ANKFN1: variants seen among roughly 807,000 people sequenced by gnomAD.
The protein encoded by ANKFN1 is ankyrin repeat and fibronectin type III domain containing 1, also known as ankyrin repeat and fibronectin type-III domain-containing protein 1.
A neutral mutation model predicts 108.7 loss-of-function variants in ANKFN1; 74 were observed. The observed-to-expected ratio is 0.68, with a 90% confidence interval of 0.56 to 0.83. The LOEUF (loss-of-function observed/expected upper bound fraction) is 0.83. Ranked by LOEUF, ANKFN1 falls within the 40% of genes least tolerant of loss-of-function variation. ANKFN1 has a pLI of 0.00. For synonymous variants in ANKFN1, 547 were observed against 516.2 expected (o/e 1.06, Z -0.81); for missense variants, 1,505 against 1,382.3 (o/e 1.09, Z -1.41).
chr17:56,052,015 A>G (rs898750052), intron 4 of ANKFN1, among the ~76,000 whole-genome samples: 6 of 146,538 alleles, frequency 4.1e-5, no homozygotes, highest in African/African-American at 1.2e-4. Flanking sequence ...TACAGATTCA[A>G]TGCCATCCCC....
At chr17:56,290,464 C>T (rs1381298421) in intron 3 of ANKFN1, among the ~76,000 whole-genome samples, 1 of 152,126 alleles carries the variant, frequency 6.6e-6, no homozygotes, top group Non-Finnish European at 1.5e-5. Flanking sequence ...CTACATGTAA[C>T]CTATCTCTTT....
intron 8 of ANKFN1, among the ~76,000 whole-genome samples, chr17:56,417,118 ATAGT>A (rs1294725428): frequency 5.9e-5 from 9 of 152,164 alleles, no homozygotes; most frequent in African/African-American, 1.2e-4. Context: ...CAAAATAAAA[ATAGT>A]TAGAAGGAAT....
At chr17:56,078,338 G>T (rs1905204864) in intron 4 of ANKFN1, among the ~76,000 whole-genome samples, 1 of 152,062 alleles carries the variant, frequency 6.6e-6, no homozygotes, top group African/African-American at 2.4e-5. Context: ...CCACAGAGAT[G>T]GTGAATCTTC....
rs925510997 is a variant in ANKFN1 at position 56,378,967 on chromosome 17, A to G, written c.910+4253A>G. ...GATCCGGCCAATTTATTCTCCAACCATCTTGTAAACCACCTTAAAACCTTT... is the reference window on the plus strand; with the variant it reads ...GATCCGGCCAATTTATTCTCCAACCGTCTTGTAAACCACCTTAAAACCTTT... On this transcript the variant is annotated intron_variant, in intron 8 of 20. Transcript: ENST00000682825. Among the ~76,000 whole-genome samples the G allele has an allele frequency of 2.0e-5, 3 of 152,216 alleles. No individual in the cohort carries two copies. In the East Asian group the frequency reaches 5.8e-4, roughly 29 times the overall value.
intron 4 of ANKFN1, among the ~76,000 whole-genome samples, chr17:56,138,113 C>T (rs970449933): frequency 6.6e-6 from 1 of 152,136 alleles, no homozygotes; most frequent in African/African-American, 2.4e-5. Flanking sequence ...AAGCCCACAT[C>T]TAGAAGACAT....
At chr17:56,402,228 C>T (rs1854836580) in intron 8 of ANKFN1, among the ~76,000 whole-genome samples, 1 of 152,022 alleles carries the variant, frequency 6.6e-6, no homozygotes, top group Non-Finnish European at 1.5e-5. Context: ...GGGGAGAGTT[C>T]CTTCTTTCTC....
intron 3 of ANKFN1, among the ~76,000 whole-genome samples, chr17:56,325,291 T>TGC (rs1012542394): frequency 3.3e-5 from 5 of 149,598 alleles, no homozygotes; most frequent in African/African-American, 1.0e-4. Context: ...TGTGTGTGTG[T>TGC]GCACGTGTGC....
chr17:56,470,472 T>C (rs1049185084), intron 15 of ANKFN1, among the ~76,000 whole-genome samples: 1 of 152,152 alleles, frequency 6.6e-6, no homozygotes, highest in Non-Finnish European at 1.5e-5. Context: ...TTTGTATTAA[T>C]AATAATCACC....
chr17:56,056,360 T>C (rs1282321543), intron 4 of ANKFN1, among the ~76,000 whole-genome samples: 1 of 121,492 alleles, frequency 8.2e-6, no homozygotes, highest in Non-Finnish European at 1.6e-5. Context: ...CCCTGAATAG[T>C]CAAAACAATT....
chr17:56,473,647 CAAAAAAAAAAAAAAA>C, intron 15 of ANKFN1: 1 of 47,836 alleles, frequency 2.1e-5, no homozygotes, highest in South Asian at 8.8e-4. Flanking sequence ...GACTCCGTCT[CAAAAAAAAAAAAAAA>C]AAAAAAAAAG....
intron 8 of ANKFN1, among the ~76,000 whole-genome samples, chr17:56,419,954 A>G (rs2145047256): frequency 6.6e-6 from 1 of 152,258 alleles, no homozygotes; most frequent in Non-Finnish European, 1.5e-5. Flanking sequence ...TAGACAGACA[A>G]TCTTTTAATA....
intron 2 of ANKFN1, among the ~76,000 whole-genome samples, chr17:56,226,854 A>G (rs1332338495): frequency 5.3e-5 from 8 of 152,076 alleles, no homozygotes; most frequent in Non-Finnish European, 1.0e-4. Flanking sequence ...TAACTATTTT[A>G]TATATATTAT....
chr17:56,151,593 G>A (rs1486011298), upstream of ANKFN1, among the ~76,000 whole-genome samples: 1 of 152,092 alleles, frequency 6.6e-6, no homozygotes, highest in East Asian at 1.9e-4. Flanking sequence ...AAAGCCAAGG[G>A]TATTGAAAAG....
intron 3 of ANKFN1, among the ~76,000 whole-genome samples, chr17:56,290,567 G>T (rs1404149671): frequency 6.6e-6 from 1 of 152,076 alleles, no homozygotes; most frequent in African/African-American, 2.4e-5. Context: ...TGCAGCCAGG[G>T]CATTCTCCCC....
At chr17:56,099,601 T>A (rs946988680) in intron 4 of ANKFN1, among the ~76,000 whole-genome samples, 13 of 152,180 alleles carry the variant, frequency 8.5e-5, no homozygotes, top group African/African-American at 3.1e-4. Context: ...AGATGGGTCT[T>A]GGTATCCTGG....
intron 1 of ANKFN1, among the ~76,000 whole-genome samples, chr17:56,154,178 T>G (rs1260333874): frequency 6.6e-6 from 1 of 152,178 alleles, no homozygotes; most frequent in African/African-American, 2.4e-5. Flanking sequence ...ACCTCAAATG[T>G]GCCTTTGGTT....
At chr17:56,343,794 T>G (rs2046025435) in intron 4 of ANKFN1, among the ~76,000 whole-genome samples, 1 of 151,990 alleles carries the variant, frequency 6.6e-6, no homozygotes, top group African/African-American at 2.4e-5. Flanking sequence ...CTGGATAATC[T>G]TGATTGATCT....
At chr17:56,092,975 G>C (rs962543973) in intron 4 of ANKFN1, among the ~76,000 whole-genome samples, 1 of 150,872 alleles carries the variant, frequency 6.6e-6, no homozygotes, top group African/African-American at 2.4e-5. Flanking sequence ...ACTCTTCAAG[G>C]GTTCCTGTGA....
At chr17:56,449,217 A>T in intron 11 of ANKFN1, 31 bp downstream of exon 11, 1 of 1,579,108 alleles carries the variant, frequency 6.3e-7, no homozygotes, top group Non-Finnish European at 8.7e-7. Flanking sequence ...TGGGCCATCA[A>T]CTGAGGTCTC....
Sources: allele counts gnomAD v4.1 joint callset (sites outside exome capture counted in the v4.1 genomes callset), GRCh38; gene constraint gnomAD v4.1.1; transcripts MANE v1.5; gene names NCBI Gene and HGNC (gene_info 2026-07-23, HGNC 2026-07-21).